MYO10: variants seen among roughly 807,000 people sequenced by gnomAD.
The protein encoded by MYO10 is myosin X, also known as unconventional myosin-X.
MYO10 carries 133 observed loss-of-function variants against 257.3 expected under a neutral mutation model. The observed-to-expected ratio is 0.52, with a 90% confidence interval of 0.45 to 0.60. The LOEUF is 0.60. Ranked by LOEUF, MYO10 falls within the 20% of genes least tolerant of loss-of-function variation. The pLI is 0.00. For synonymous variants in MYO10, 1,104 were observed against 1,028.6 expected (o/e 1.07, Z -1.40); for missense variants, 2,399 against 2,635.7 (o/e 0.91, Z 1.97).
chr5:16,730,727 G>A (rs539823049), intron 19 of MYO10, among the ~76,000 whole-genome samples: 5 of 152,278 alleles, frequency 3.3e-5, no homozygotes, highest in Admixed American at 1.3e-4. Flanking sequence ...ACTAGGTGGG[G>A]GCCACATCTG....
intron 1 of MYO10, among the ~76,000 whole-genome samples, chr5:16,892,825 G>A (rs1396743376): frequency 6.6e-6 from 1 of 152,088 alleles, no homozygotes; most frequent in Non-Finnish European, 1.5e-5. Context: ...CACAGGCCTC[G>A]TTCAACCAAC....
chr5:16,933,595 G>A lies in MYO10; in HGVS notation c.21+2193C>T, dbSNP rs540485839. ...AGGCCAAACAATTTAGCTGTCCTTG[G>A]GGAATATATCACTTCCACACTCGCT... is the stretch of plus-strand genomic sequence containing the variant. On this transcript the variant is annotated intron_variant, in intron 1 of 40. Coordinates refer to ENST00000513610, the MANE Select transcript of MYO10 (RefSeq NM_012334.3). Among the ~76,000 whole-genome samples, 34 of 152,254 alleles carry A rather than the reference G, an allele frequency of 2.2e-4. 1 individual carries two copies. Among genetic ancestry groups the A allele is most frequent in the Admixed American group, 1.8e-3 (28 of 15,286 alleles).
chr5:16,787,133 C>A (rs1409824903), intron 4 of MYO10, among the ~76,000 whole-genome samples: 1 of 152,080 alleles, frequency 6.6e-6, no homozygotes, highest in African/African-American at 2.4e-5. Context: ...TGCATCACTG[C>A]ACTCTAGCCT....
chr5:16,747,947 G>GAA (rs1216946177), intron 19 of MYO10, among the ~76,000 whole-genome samples: 2 of 81,636 alleles, frequency 2.4e-5, no homozygotes, highest in Non-Finnish European at 5.0e-5. Flanking sequence ...AAAAAAAAAA[G>GAA]AAAAAAAAAA....
chr5:16,690,961 C>A (rs1311614245), intron 27 of MYO10, among the ~76,000 whole-genome samples: 2 of 151,986 alleles, frequency 1.3e-5, no homozygotes, highest in Non-Finnish European at 2.9e-5. Context: ...CCAGCTTGCT[C>A]TGATAACTAA....
In MYO10 at chr5:16,794,930, C is replaced by T. The variant is rs555265179; in HGVS notation, c.280-97G>A. The T allele has an allele frequency of 1.4e-5, 13 of 961,498 alleles. No homozygotes were observed. The South Asian group carries it at 1.5e-4, about 11-fold the overall frequency. 59.6% of individuals were successfully genotyped at this position (961,498 alleles called of 1,614,324 possible). ...ACCGAGTGTGCGCCAGGGGGAAAGACGTCTTCTGTCTCCCGGGTGCACACT... is the reference window on the plus strand; with the variant it reads ...ACCGAGTGTGCGCCAGGGGGAAAGATGTCTTCTGTCTCCCGGGTGCACACT... On this transcript the variant is annotated intron_variant, in intron 3 of 40. Coordinates refer to ENST00000513610, the MANE Select transcript of MYO10 (RefSeq NM_012334.3).
chr5:16,777,041 C>T (rs575656929), intron 9 of MYO10, among the ~76,000 whole-genome samples: 1 of 152,062 alleles, frequency 6.6e-6, no homozygotes, highest in African/African-American at 2.4e-5. Context: ...TATTCTAACA[C>T]ATCATCTTTT....
rs942999059 is a variant in MYO10 at position 16,679,844 on chromosome 5, T to A, written c.4542+103A>T. On this transcript the variant is annotated intron_variant, in intron 33 of 40. Transcript: ENST00000513610. ...CGGCCAACCAAGCACTAGTTTTGAT[T>A]ACAGAAAAAAAACTGAGCTTCACTA... 2.7e-5 allele frequency: 39 copies of A among 1,439,540 alleles called. No individual in the cohort carries two copies. The East Asian group carries it at 5.7e-4, about 21-fold the overall frequency. 89.2% of individuals were successfully genotyped at this position (1,439,540 alleles called of 1,614,324 possible). A position where few individuals can be genotyped will look rare whatever the true frequency, so the allele number is the denominator to read the frequency against.
rs575504178 is a variant in MYO10, at chr5:16,675,721, G to A, written c.4666+310C>T. Among the ~76,000 whole-genome samples the A allele has an allele frequency of 5.7e-4, 87 of 152,198 alleles. 1 individual carries two copies. Among genetic ancestry groups the A allele is most frequent in the Non-Finnish European group, 8.4e-4 (57 of 68,008 alleles). ...CCACTGCACCCCAGCCTGAGTGACAGAGTAAGACTCTGTCTCAAAAAACAA... is the reference window on the plus strand; with the variant it reads ...CCACTGCACCCCAGCCTGAGTGACAAAGTAAGACTCTGTCTCAAAAAACAA... On this transcript the variant is annotated intron_variant, in intron 34 of 40. Transcript: ENST00000513610.
chr5:16,741,273 G>C (rs892127390), intron 19 of MYO10, among the ~76,000 whole-genome samples: 3 of 152,180 alleles, frequency 2.0e-5, no homozygotes, highest in African/African-American at 7.2e-5. Context: ...TGTGAAACAA[G>C]CACATGATAT....
chr5:16,824,028 G>C (rs1184761206), intron 2 of MYO10, among the ~76,000 whole-genome samples: 3 of 152,070 alleles, frequency 2.0e-5, no homozygotes, highest in Non-Finnish European at 4.4e-5. Context: ...CTGGTAACAT[G>C]GTGAACTGGA....
intron 1 of MYO10, among the ~76,000 whole-genome samples, chr5:16,892,977 C>T (rs1745105367): frequency 2.6e-5 from 4 of 151,940 alleles, no homozygotes; most frequent in South Asian, 2.1e-4. Flanking sequence ...GGGCAGATCA[C>T]GAGGTCAGGA....
chr5:16,827,718 A>G (rs968377654), intron 2 of MYO10, among the ~76,000 whole-genome samples: 5 of 152,194 alleles, frequency 3.3e-5, no homozygotes, highest in African/African-American at 9.6e-5. Context: ...TTAAACTGTC[A>G]TCAGGTTTTC....
intron 3 of MYO10, among the ~76,000 whole-genome samples, chr5:16,815,960 T>C (rs769339968): frequency 1.3e-4 from 19 of 151,662 alleles, no homozygotes; most frequent in Non-Finnish European, 2.6e-4. Context: ...GACAGCATGA[T>C]TGAATTTCTC....
intron 10 of MYO10, among the ~76,000 whole-genome samples, chr5:16,766,973 C>T (rs1740890431): frequency 6.6e-6 from 1 of 151,834 alleles, no homozygotes; most frequent in Admixed American, 6.6e-5. Context: ...GATCTCCCTG[C>T]CTTGGCCTCC....
chr5:16,837,283 C>T (rs950519027), intron 2 of MYO10, among the ~76,000 whole-genome samples: 1 of 151,942 alleles, frequency 6.6e-6, no homozygotes, highest in Non-Finnish European at 1.5e-5. Flanking sequence ...GCACTTCAGC[C>T]TAGGCAACAA....
chr5:16,737,410 A>C (rs1739846937), intron 19 of MYO10, among the ~76,000 whole-genome samples: 1 of 152,176 alleles, frequency 6.6e-6, no homozygotes, highest in Admixed American at 6.5e-5. Flanking sequence ...GGACGCACTG[A>C]TACTAAGCCC....
chr5:16,739,584 C>T (rs1320304475), intron 19 of MYO10, among the ~76,000 whole-genome samples: 4 of 151,976 alleles, frequency 2.6e-5, no homozygotes, highest in African/African-American at 4.8e-5. Flanking sequence ...AAATACAGTA[C>T]TATTATTTGC....
chr5:16,809,110 A>G (rs769756220), intron 3 of MYO10, among the ~76,000 whole-genome samples: 56 of 152,242 alleles, frequency 3.7e-4, no homozygotes, highest in Admixed American at 7.8e-4. Flanking sequence ...TTTAAAATAC[A>G]TATAGTCAGA....
Sources: allele counts gnomAD v4.1 joint callset (sites outside exome capture counted in the v4.1 genomes callset), GRCh38; gene constraint gnomAD v4.1.1; transcripts MANE v1.5; gene names NCBI Gene and HGNC (gene_info 2026-07-23, HGNC 2026-07-21).